Variants in XPR1 observed in about 807,000 individuals in gnomAD.
XPR1 encodes the protein xenotropic and polytropic retrovirus receptor 1.
A neutral mutation model predicts 87.5 loss-of-function variants in XPR1; 28 were observed. The observed-to-expected ratio is 0.32, with a 90% confidence interval of 0.24 to 0.44. The LOEUF (loss-of-function observed/expected upper bound fraction) is 0.44. XPR1 is among the 20% of genes least tolerant of loss of function. XPR1 has a pLI of 1.00. For missense variants in XPR1, 559 were observed against 862.3 expected, an observed-to-expected ratio of 0.65 and a Z score of 4.41; for synonymous variants, 300 against 306.1, an observed-to-expected ratio of 0.98 and a Z score of 0.21.
intron 9 of XPR1, among the ~76,000 whole-genome samples, chr1:180,825,933 C>G (rs1176428718): frequency 2.0e-5 from 3 of 152,138 alleles, no homozygotes; most frequent in African/African-American, 4.8e-5. Context: ...GCCTGTAATC[C>G]TAGCTACTAG....
At chr1:180,819,151 A>T (rs1650519425) in intron 7 of XPR1, among the ~76,000 whole-genome samples, 1 of 151,934 alleles carries the variant, frequency 6.6e-6, no homozygotes. Context: ...ACAGAGTCTC[A>T]CTATATCGCC....
intron 4 of XPR1, among the ~76,000 whole-genome samples, chr1:180,805,054 G>T (rs11807408): frequency 0.021 from 3,152 of 152,230 alleles, 45 homozygotes; most frequent in African/African-American, 0.025. Context: ...TGAAAGTTCT[G>T]CTTTATCTTC....
intron 3 of XPR1, among the ~76,000 whole-genome samples, chr1:180,791,267 GT>G (rs944056017): frequency 6.6e-6 from 1 of 151,702 alleles, no homozygotes; most frequent in Non-Finnish European, 1.5e-5. Context: ...TAGATACTTT[GT>G]TTTTTTTGTT....
At chr1:180,704,903 A>G (rs1657508719) in intron 2 of XPR1, among the ~76,000 whole-genome samples, 1 of 139,612 alleles carries the variant, frequency 7.2e-6, no homozygotes, top group Non-Finnish European at 1.5e-5. Context: ...CTTTGGAAGT[A>G]TCATTGCTAC....
intron 13 of XPR1, among the ~76,000 whole-genome samples, chr1:180,876,854 CTTTTA>C (rs779739576): frequency 2.0e-5 from 3 of 152,272 alleles, no homozygotes; most frequent in Middle Eastern, 3.4e-3. Flanking sequence ...GCTGTTCCCA[CTTTTA>C]TTTAATATCA....
chr1:180,699,376 C>T (rs1156931636), intron 2 of XPR1, among the ~76,000 whole-genome samples: 2 of 110,190 alleles, frequency 1.8e-5, no homozygotes, highest in Admixed American at 9.3e-5. Flanking sequence ...CCCCCGACCC[C>T]ACCACAGTCC....
At chr1:180,668,184 A>G (rs1656029237) in intron 1 of XPR1, among the ~76,000 whole-genome samples, 1 of 129,608 alleles carries the variant, frequency 7.7e-6, no homozygotes, top group African/African-American at 3.1e-5. Context: ...GCTGGAGTGC[A>G]GTGGTGTGAT....
chr1:180,746,691 A>C (rs991056483), intron 2 of XPR1, among the ~76,000 whole-genome samples: 1 of 152,154 alleles, frequency 6.6e-6, no homozygotes, highest in Non-Finnish European at 1.5e-5. Context: ...CCATACTAAA[A>C]CTTTGCTTGA....
chr1:180,769,573 A>G (rs982088175), intron 2 of XPR1, among the ~76,000 whole-genome samples: 1 of 151,912 alleles, frequency 6.6e-6, no homozygotes, highest in African/African-American at 2.4e-5. Flanking sequence ...GTGTAACATA[A>G]TGATCTCCAG....
intron 2 of XPR1, among the ~76,000 whole-genome samples, chr1:180,696,208 G>GTGTGTATATA (rs1241189679): frequency 3.4e-5 from 3 of 88,566 alleles, no homozygotes; most frequent in Non-Finnish European, 4.5e-5. Context: ...GTGTGTGTGT[G>GTGTGTATATA]TATATATATA....
intron 1 of XPR1, among the ~76,000 whole-genome samples, chr1:180,674,067 G>A (rs1656284136): frequency 6.6e-6 from 1 of 152,084 alleles, no homozygotes; most frequent in South Asian, 2.1e-4. Flanking sequence ...CATGTTCTTG[G>A]CACTGTTCTA....
intron 13 of XPR1, among the ~76,000 whole-genome samples, chr1:180,875,712 GAA>G (rs980276719): frequency 8.6e-5 from 13 of 151,834 alleles, no homozygotes; most frequent in Admixed American, 2.0e-4. Context: ...TAAATATAAA[GAA>G]CGTAAATTAA....
intron 4 of XPR1, among the ~76,000 whole-genome samples, chr1:180,805,262 A>G (rs930542299): frequency 1.3e-5 from 2 of 152,176 alleles, no homozygotes; most frequent in Non-Finnish European, 2.9e-5. Flanking sequence ...TGAGTGCACA[A>G]TTTCTTACTG....
At chr1:180,632,619 C>G (rs1396034064) in intron 1 of XPR1, among the ~76,000 whole-genome samples, 1 of 152,234 alleles carries the variant, frequency 6.6e-6, no homozygotes, top group Admixed American at 6.5e-5. Context: ...CTGTTCCGCG[C>G]TAATCCCCTT....
chr1:180,874,321 AT>A, intron 13 of XPR1, among the ~76,000 whole-genome samples: 1 of 152,234 alleles, frequency 6.6e-6, no homozygotes, highest in South Asian at 2.1e-4. Flanking sequence ...GAAATCAATC[AT>A]TTTTTGCAAT....
At chr1:180,720,983 C>T (rs1658163545) in intron 2 of XPR1, among the ~76,000 whole-genome samples, 1 of 151,956 alleles carries the variant, frequency 6.6e-6, no homozygotes, top group Non-Finnish European at 1.5e-5. Flanking sequence ...GCCTGTAATC[C>T]CAGCACTTTG....
intron 9 of XPR1, among the ~76,000 whole-genome samples, chr1:180,832,214 A>G (rs1277045680): frequency 6.6e-6 from 1 of 152,068 alleles, no homozygotes; most frequent in Non-Finnish European, 1.5e-5. Flanking sequence ...ATGTCTGTTC[A>G]TATCCTTCAC....
chr1:180,736,907 A>G (rs1336963790), intron 2 of XPR1, among the ~76,000 whole-genome samples: 4 of 152,192 alleles, frequency 2.6e-5, no homozygotes, highest in Admixed American at 1.3e-4. Context: ...TTTCTCGGAA[A>G]GAAATACTTA....
intron 11 of XPR1, among the ~76,000 whole-genome samples, chr1:180,854,479 C>A (rs866937006): frequency 6.6e-6 from 1 of 152,182 alleles, no homozygotes; most frequent in Non-Finnish European, 1.5e-5. Context: ...AAATTCGGCT[C>A]TTTGTGTCAA....
Sources: gnomAD v4.1 joint callset for allele counts (sites outside exome capture counted in the v4.1 genomes callset) on GRCh38, gnomAD v4.1.1 for gene constraint, MANE v1.5 for transcripts, NCBI Gene and HGNC (gene_info 2026-07-23, HGNC 2026-07-21) for gene names.